Variants in RAB38 observed in about 807,000 individuals in gnomAD.
The protein encoded by RAB38 is ras-related protein Rab-38.
RAB38 carries 15 observed loss-of-function variants against 18.4 expected under a neutral mutation model. The observed-to-expected ratio is 0.82, with a 90% CI of 0.55 to 1.26. RAB38 has a LOEUF of 1.26. Among genes scored for constraint, RAB38 ranks in the 50% most tolerant of loss-of-function variants. The pLI, the probability that RAB38 is intolerant of heterozygous loss-of-function variation, is 0.00. For missense variants in RAB38, 294 were observed against 267.4 expected (o/e 1.10, Z -0.69); for synonymous variants, 101 against 104.4 (o/e 0.97, Z 0.20).
chr11:87,957,464 T>A, the RAB38 span, among the ~76,000 whole-genome samples: 804 of 152,160 alleles, frequency 5.3e-3, 6 homozygotes, highest in African/African-American at 0.017. Flanking sequence ...GAAAACTGTG[T>A]GCTTTTATTC....
the RAB38 span, among the ~76,000 whole-genome samples, chr11:88,044,014 T>A: frequency 4.6e-5 from 7 of 152,176 alleles, no homozygotes; most frequent in African/African-American, 1.7e-4. Flanking sequence ...TCTTTCTCCT[T>A]TTAATCTTAG....
the RAB38 span, among the ~76,000 whole-genome samples, chr11:87,912,452 A>G: frequency 6.6e-6 from 1 of 151,944 alleles, no homozygotes; most frequent in African/African-American, 2.4e-5. Flanking sequence ...GGACTAGTCC[A>G]TTTCATCTAA....
the RAB38 span, among the ~76,000 whole-genome samples, chr11:87,863,102 A>G: frequency 6.6e-6 from 1 of 151,842 alleles, no homozygotes; most frequent in East Asian, 1.9e-4. Flanking sequence ...GGGTGGATGA[A>G]TGAATAGGAA....
At chr11:87,959,269 T>A in the RAB38 span, among the ~76,000 whole-genome samples, 1 of 152,192 alleles carries the variant, frequency 6.6e-6, no homozygotes, top group Non-Finnish European at 1.5e-5. Flanking sequence ...GATCTAGAAT[T>A]GGAGGTAGCC....
At chr11:87,937,509 G>C in the RAB38 span, among the ~76,000 whole-genome samples, 2 of 151,630 alleles carry the variant, frequency 1.3e-5, no homozygotes, top group African/African-American at 2.4e-5. Flanking sequence ...GGAAGACATT[G>C]TGTCAAATTG....
the RAB38 span, among the ~76,000 whole-genome samples, chr11:87,894,961 C>T: frequency 2.0e-5 from 3 of 151,556 alleles, no homozygotes; most frequent in East Asian, 2.0e-4. Context: ...CCTGGAACAG[C>T]TACAAGCTAT....
chr11:87,876,916 A>G, the RAB38 span, among the ~76,000 whole-genome samples: 1 of 151,618 alleles, frequency 6.6e-6, no homozygotes, highest in East Asian at 2.0e-4. Flanking sequence ...AACACATAAT[A>G]TAGTTTCAGT....
At chr11:88,151,217 A>C (rs1167543852) in intron 1 of RAB38, among the ~76,000 whole-genome samples, 1 of 152,208 alleles carries the variant, frequency 6.6e-6, no homozygotes. Flanking sequence ...ATGTGGATGA[A>C]GTGAATTAAT....
the RAB38 span, among the ~76,000 whole-genome samples, chr11:87,895,358 A>T: frequency 6.6e-6 from 1 of 151,620 alleles, no homozygotes; most frequent in Non-Finnish European, 1.5e-5. Context: ...GGAATAGAGG[A>T]TTGAGATCCT....
chr11:87,960,372 A>C, the RAB38 span, among the ~76,000 whole-genome samples: 1 of 130,884 alleles, frequency 7.6e-6, no homozygotes, highest in East Asian at 2.2e-4. Context: ...ACAGAGATGG[A>C]AGACAACAAA....
At chr11:87,937,476 T>C in the RAB38 span, among the ~76,000 whole-genome samples, 2 of 151,554 alleles carry the variant, frequency 1.3e-5, no homozygotes, top group Non-Finnish European at 2.9e-5. Flanking sequence ...TACTGAGAAG[T>C]ATTTCATCCT....
the RAB38 span, among the ~76,000 whole-genome samples, chr11:87,878,039 G>C: frequency 3.3e-5 from 5 of 150,726 alleles, no homozygotes; most frequent in Admixed American, 2.7e-4. Flanking sequence ...GGGAAACTGA[G>C]CCTTGAGCCA....
At chr11:87,971,454 T>G in the RAB38 span, among the ~76,000 whole-genome samples, 1 of 152,112 alleles carries the variant, frequency 6.6e-6, no homozygotes, top group Admixed American at 6.6e-5. Flanking sequence ...GTCTGCAAAT[T>G]GGAGGGAGCC....
chr11:87,922,412 T>C, the RAB38 span, among the ~76,000 whole-genome samples: 14 of 152,068 alleles, frequency 9.2e-5, no homozygotes, highest in Admixed American at 2.6e-4. Flanking sequence ...CATGGAGATC[T>C]AGTTTTTGTT....
chr11:88,047,989 C>T, the RAB38 span, among the ~76,000 whole-genome samples: 13,839 of 152,136 alleles, frequency 0.091, 691 homozygotes, highest in Middle Eastern at 0.15. Flanking sequence ...GCCACTAGTC[C>T]GTCTCTTAGA....
the RAB38 span, among the ~76,000 whole-genome samples, chr11:87,953,500 T>C: frequency 9.2e-5 from 14 of 152,310 alleles, no homozygotes; most frequent in South Asian, 2.9e-3. Context: ...ACCACAAAAA[T>C]ATAACTGTGC....
chr11:87,896,143 T>C, the RAB38 span, among the ~76,000 whole-genome samples: 318 of 151,842 alleles, frequency 2.1e-3, no homozygotes, highest in African/African-American at 7.4e-3. Flanking sequence ...AAGGGAATGA[T>C]AGACAGAAGT....
chr11:87,873,484 C>T, the RAB38 span, among the ~76,000 whole-genome samples: 1 of 151,472 alleles, frequency 6.6e-6, no homozygotes, highest in Non-Finnish European at 1.5e-5. Flanking sequence ...TTATTTCATT[C>T]ATGGATTATG....
intron 2 of RAB38, among the ~76,000 whole-genome samples, chr11:88,125,073 T>C (rs1056106322): frequency 2.6e-5 from 4 of 152,206 alleles, no homozygotes; most frequent in Non-Finnish European, 4.4e-5. Context: ...GTCTTCTCTC[T>C]GATCACATGC....
Sources: gnomAD v4.1 joint callset for allele counts (sites outside exome capture counted in the v4.1 genomes callset) on GRCh38, gnomAD v4.1.1 for gene constraint, MANE v1.5 for transcripts, NCBI Gene and HGNC (gene_info 2026-07-23, HGNC 2026-07-21) for gene names.